Variants in CPM observed in about 807,000 individuals in gnomAD.
The protein encoded by CPM is carboxypeptidase M, also known as renal carboxypeptidase.
In CPM, 35 loss-of-function variants were observed where a neutral mutation model predicts 46.4. The observed-to-expected ratio is 0.75, with a 90% CI of 0.58 to 1.00. The LOEUF is 1.00. Among genes scored for constraint, CPM ranks in the 50% least tolerant of loss-of-function variants. The probability of loss-of-function intolerance (pLI) is 0.00; values close to 1 mark genes in which losing one functional copy is unlikely to be tolerated. For missense variants in CPM, 422 were observed against 530.4 expected, an observed-to-expected ratio of 0.80 and a Z score of 2.01; for synonymous variants, 195 against 195.3, an observed-to-expected ratio of 1.00 and a Z score of 0.01.
At chr12:68,862,679 G>A (rs1885261180) in intron 7 of CPM, among the ~76,000 whole-genome samples, 1 of 144,158 alleles carries the variant, frequency 6.9e-6, no homozygotes, top group South Asian at 2.2e-4. Flanking sequence ...AAATAAAAGC[G>A]TGCTTTAGCT....
At position 68,855,761 on chromosome 12, in the gene CPM, CAG is replaced by C. The variant is rs1300638887; in HGVS notation, c.*674_*675del. ...TGTTTTTGTTTTTTTTTTTTTGAGACAGAGTCTTACTCTGTTGCCCAAGCTGG... is the reference window on the plus strand; with the variant it reads ...TGTTTTTGTTTTTTTTTTTTTGAGACAGTCTTACTCTGTTGCCCAAGCTGG... On this transcript the variant is annotated 3_prime_UTR_variant, in exon 9 of 9. Transcript: ENST00000551568. The C allele has an allele frequency of 6.8e-6, 1 of 146,816 alleles. No homozygotes were observed. The highest frequency in any genetic ancestry group is 2.6e-5 in the African/African-American group (1 of 38,492). 9.1% of individuals were successfully genotyped at this position (146,816 alleles called of 1,614,324 possible).
chr12:68,866,494 C>A (rs750409568), intron 7 of CPM, among the ~76,000 whole-genome samples: 1 of 152,192 alleles, frequency 6.6e-6, no homozygotes, highest in African/African-American at 2.4e-5. Context: ...CAGGCGTGTG[C>A]CACCACGCCT....
chr12:68,920,800 C>A (rs1280250565), intron 2 of CPM, among the ~76,000 whole-genome samples: 3 of 151,160 alleles, frequency 2.0e-5, no homozygotes, highest in African/African-American at 4.9e-5. Context: ...AAGTGATTCT[C>A]CCGCCTCAGA....
intron 6 of CPM, among the ~76,000 whole-genome samples, chr12:68,868,309 T>C (rs1885545440): frequency 6.6e-6 from 1 of 152,074 alleles, no homozygotes; most frequent in Non-Finnish European, 1.5e-5. Flanking sequence ...TCTATGCTTA[T>C]TTATATTACC....
At chr12:68,950,616 A>C (rs1469931848) in intron 1 of CPM, among the ~76,000 whole-genome samples, 2 of 152,170 alleles carry the variant, frequency 1.3e-5, no homozygotes, top group African/African-American at 4.8e-5. Context: ...TAGCTCACAT[A>C]CATTGTTGCT....
Position 68,868,851 on chromosome 12 carries a change from C to G in CPM, c.787+474G>C, listed in dbSNP as rs190827346. Among the ~76,000 whole-genome samples, 72 of 152,280 alleles carry G rather than the reference C, an allele frequency of 4.7e-4. 1 individual carries two copies. Among genetic ancestry groups the G allele is most frequent in the African/African-American group, 1.7e-3 (70 of 41,562 alleles). On this transcript the variant is annotated intron_variant, in intron 6 of 8. Transcript: ENST00000551568. The stretch of plus-strand genomic sequence containing the variant: ...GCTGCATGACAATAATTAGCTAGAT[C>G]TAGTAGCAGCTGTCCCTGTTAGATG...
At chr12:68,940,434 C>G (rs1888742885) in intron 1 of CPM, among the ~76,000 whole-genome samples, 1 of 150,484 alleles carries the variant, frequency 6.6e-6, no homozygotes, top group South Asian at 2.1e-4. Flanking sequence ...TGTGCTCCAC[C>G]TATTCATCCC....
At chr12:68,944,084 A>G (rs554373303) in intron 1 of CPM, among the ~76,000 whole-genome samples, 3 of 152,338 alleles carry the variant, frequency 2.0e-5, no homozygotes, top group Non-Finnish European at 2.9e-5. Context: ...AGCATACATC[A>G]TATCTATTCA....
intron 5 of CPM, chr12:68,844,544 G>C (rs759368720): frequency 8.8e-6 from 2 of 227,258 alleles, no homozygotes; most frequent in African/African-American, 4.4e-5. Flanking sequence ...ACTTGTCAGC[G>C]TGAAAAGTAA....
chr12:68,873,329 C>A (rs1192715293), intron 3 of CPM, among the ~76,000 whole-genome samples: 1 of 152,168 alleles, frequency 6.6e-6, no homozygotes, highest in Non-Finnish European at 1.5e-5. Flanking sequence ...CATAAAGAGA[C>A]CACATTTTAA....
chr12:68,930,705 TA>T (rs1452217368), intron 2 of CPM, among the ~76,000 whole-genome samples: 2 of 152,220 alleles, frequency 1.3e-5, no homozygotes, highest in Non-Finnish European at 2.9e-5. Flanking sequence ...GCATACAAGG[TA>T]AAATTAAAAA....
intron 2 of CPM, among the ~76,000 whole-genome samples, chr12:68,917,119 C>T (rs1565796081): frequency 6.6e-6 from 1 of 152,130 alleles, no homozygotes; most frequent in African/African-American, 2.4e-5. Flanking sequence ...TCCCCTCCAG[C>T]CACACTGAAC....
chr12:68,931,744 C>CAAAAAAAAA (rs1230893187), intron 2 of CPM, among the ~76,000 whole-genome samples: 9 of 36,130 alleles, frequency 2.5e-4, no homozygotes, highest in East Asian at 9.0e-4. Context: ...AGACTCTGAC[C>CAAAAAAAAA]AAAAAAAAAA....
chr12:68,846,526 C>T (rs1884309803), downstream of CPM: 1 of 152,152 alleles, frequency 6.6e-6, no homozygotes, highest in African/African-American at 2.4e-5. Flanking sequence ...TTAAGTAGGC[C>T]TTCCTTCAAG....
intron 7 of CPM, chr12:68,866,689 T>C: frequency 3.9e-6 from 2 of 515,278 alleles, no homozygotes; most frequent in East Asian, 3.3e-5. Flanking sequence ...ACATGCATCA[T>C]GCTTCCTTTT....
chr12:68,939,623 C>T (rs1477586627), intron 1 of CPM, among the ~76,000 whole-genome samples: 1 of 151,916 alleles, frequency 6.6e-6, no homozygotes, highest in Non-Finnish European at 1.5e-5. Context: ...GTAAAATGTG[C>T]AAATCTGTAA....
In CPM at chr12:68,853,910, G is replaced by A. The variant is rs758478224; in HGVS notation, c.*2527C>T. On this transcript the variant is annotated 3_prime_UTR_variant, in exon 9 of 9. Coordinates refer to ENST00000551568, the MANE Select transcript of CPM (RefSeq NM_198320.5). ...AGTTGCTATTTTTTTTTTCTTTTCT[G>A]TTTAGTGCTTTACCCCTTAATTCTT... 1.3e-5 allele frequency: 2 copies of A among 151,028 alleles called. No individual in the cohort carries two copies. Among genetic ancestry groups the A allele is most frequent in the Middle Eastern group, 3.1e-3 (1 of 322 alleles). The allele number at this position is 151,028 out of a possible 1,614,324, so 9.4% of individuals were successfully genotyped here.
chr12:68,926,892 C>T (rs1888287432), intron 2 of CPM, among the ~76,000 whole-genome samples: 1 of 152,202 alleles, frequency 6.6e-6, no homozygotes, highest in African/African-American at 2.4e-5. Flanking sequence ...AGGACATGAA[C>T]TCATCATTCT....
intron 1 of CPM, among the ~76,000 whole-genome samples, chr12:68,939,113 A>G (rs1260946781): frequency 1.4e-5 from 2 of 146,064 alleles, no homozygotes; most frequent in East Asian, 2.0e-4. Context: ...TACATTTACT[A>G]CATACATATA....
Sources: gnomAD v4.1 joint callset for allele counts (sites outside exome capture counted in the v4.1 genomes callset) on GRCh38, gnomAD v4.1.1 for gene constraint, MANE v1.5 for transcripts, NCBI Gene and HGNC (gene_info 2026-07-23, HGNC 2026-07-21) for gene names.